RABGAP1L: variants seen among roughly 807,000 people sequenced by gnomAD.
RABGAP1L encodes the protein RAB GTPase activating protein 1 like, also known as rab GTPase-activating protein 1-like.
A neutral mutation model predicts 137.7 loss-of-function variants in RABGAP1L; 63 were observed. The ratio of observed to expected loss-of-function variants is 0.46; its 90% CI spans 0.37 to 0.56. The LOEUF is 0.56. Ranked by LOEUF, RABGAP1L falls within the 20% of genes least tolerant of loss-of-function variation. The probability of loss-of-function intolerance (pLI) is 0.00; values close to 1 mark genes in which losing one functional copy is unlikely to be tolerated. For missense variants in RABGAP1L, 1,095 were observed against 1,244.0 expected (o/e 0.88, Z 1.80); for synonymous variants, 431 against 433.7 (o/e 0.99, Z 0.08).
chr1:174,685,180 C>G (rs1308094135), intron 15 of RABGAP1L, among the ~76,000 whole-genome samples: 2 of 151,954 alleles, frequency 1.3e-5, no homozygotes, highest in Non-Finnish European at 2.9e-5. Flanking sequence ...ATTTTGAGTT[C>G]AGATAGCAAA....
intron 21 of RABGAP1L, among the ~76,000 whole-genome samples, chr1:174,975,125 G>GCA (rs1482035781): frequency 7.2e-5 from 11 of 152,230 alleles, no homozygotes; most frequent in Non-Finnish European, 1.5e-4. Context: ...TACTTAGGGA[G>GCA]CACCTATTCT....
At chr1:174,829,845 A>G (rs1371972482) in intron 19 of RABGAP1L, among the ~76,000 whole-genome samples, 1 of 148,420 alleles carries the variant, frequency 6.7e-6, no homozygotes, top group African/African-American at 2.5e-5. Flanking sequence ...ATAATTATCC[A>G]TTTATTTTCT....
chr1:174,174,675 A>G (rs1218399348), intron 1 of RABGAP1L, among the ~76,000 whole-genome samples: 2 of 152,220 alleles, frequency 1.3e-5, no homozygotes, highest in Non-Finnish European at 2.9e-5. Context: ...TGCTGATGCA[A>G]GTCCTGGAGT....
At chr1:174,672,729 A>G (rs1258315841) in intron 14 of RABGAP1L, among the ~76,000 whole-genome samples, 1 of 151,750 alleles carries the variant, frequency 6.6e-6, no homozygotes, top group Non-Finnish European at 1.5e-5. Flanking sequence ...ATTGTTCAGG[A>G]GCATGCTGTT....
At chr1:174,633,208 C>G (rs1430096751) in intron 13 of RABGAP1L, among the ~76,000 whole-genome samples, 3 of 149,030 alleles carry the variant, frequency 2.0e-5, no homozygotes, top group South Asian at 2.2e-4. Context: ...AATCAATGTA[C>G]AAAAATCACA....
chr1:174,432,172 C>T (rs76727446), intron 13 of RABGAP1L, among the ~76,000 whole-genome samples: 5,275 of 152,122 alleles, frequency 0.035, 121 homozygotes, highest in Middle Eastern at 0.088. Context: ...CCATGAGTAC[C>T]CAATATTTAC....
chr1:174,700,052 A>G (rs1181852903), intron 16 of RABGAP1L, among the ~76,000 whole-genome samples: 1 of 152,238 alleles, frequency 6.6e-6, no homozygotes, highest in Non-Finnish European at 1.5e-5. Flanking sequence ...AGCCAGAAAG[A>G]TATTCATAAG....
Position 174,554,165 on chromosome 1 carries a change from A to G in RABGAP1L, c.1711-83210A>G, listed in dbSNP as rs534049736. On this transcript the variant is annotated intron_variant, in intron 13 of 25. Coordinates refer to ENST00000681986, the MANE Select transcript of RABGAP1L (RefSeq NM_001366446.1). Reference sequence around the variant, plus strand: ...AAATTCAGTAGGTTTTTACAGTTTCATTTGTCATCAGTGTTTTTCAAATAT... The same window carrying G: ...AAATTCAGTAGGTTTTTACAGTTTCGTTTGTCATCAGTGTTTTTCAAATAT... Among the ~76,000 whole-genome samples, 3 of 152,274 alleles carry G rather than the reference A, an allele frequency of 2.0e-5. No individual in the cohort carries two copies. In the East Asian group the frequency reaches 5.8e-4, roughly 29 times the overall value.
intron 18 of RABGAP1L, 142 bp downstream of exon 18, chr1:174,752,496 C>A: frequency 1.8e-6 from 1 of 544,106 alleles, no homozygotes; most frequent in Non-Finnish European, 3.1e-6. Context: ...AAACTCTGAT[C>A]CTCTTCCCTC....
At chr1:174,792,547 A>G (rs1407112179) in intron 18 of RABGAP1L, among the ~76,000 whole-genome samples, 1 of 152,256 alleles carries the variant, frequency 6.6e-6, no homozygotes, top group African/African-American at 2.4e-5. Flanking sequence ...AGGAAAAACA[A>G]AACAAAGGGA....
chr1:174,165,936 A>G (rs1160534495), intron 1 of RABGAP1L, among the ~76,000 whole-genome samples: 1 of 152,220 alleles, frequency 6.6e-6, no homozygotes, highest in Non-Finnish European at 1.5e-5. Flanking sequence ...ATGAGTAGTG[A>G]AAGAGCTAGG....
At chr1:174,849,475 A>T (rs1036156601) in intron 19 of RABGAP1L, among the ~76,000 whole-genome samples, 2 of 152,172 alleles carry the variant, frequency 1.3e-5, no homozygotes, top group Non-Finnish European at 2.9e-5. Flanking sequence ...GTACATATAA[A>T]ATATGCCTAT....
At chr1:174,321,340 T>C (rs1679957516) in intron 11 of RABGAP1L, among the ~76,000 whole-genome samples, 1 of 152,160 alleles carries the variant, frequency 6.6e-6, no homozygotes, top group Non-Finnish European at 1.5e-5. Flanking sequence ...TGTGATATTT[T>C]GTTCCCCTTG....
chr1:174,932,278 C>G (rs1663971987), intron 19 of RABGAP1L, among the ~76,000 whole-genome samples: 2 of 150,410 alleles, frequency 1.3e-5, no homozygotes, highest in African/African-American at 4.9e-5. Context: ...AAGAAGAATG[C>G]TGAGCCTGAT....
chr1:174,452,941 A>G (rs1017939299), intron 13 of RABGAP1L, among the ~76,000 whole-genome samples: 2 of 152,190 alleles, frequency 1.3e-5, no homozygotes, highest in African/African-American at 4.8e-5. Flanking sequence ...CAATTCAAAC[A>G]GGAATAAACC....
At chr1:174,668,163 C>T (rs1676922206) in intron 14 of RABGAP1L, among the ~76,000 whole-genome samples, 1 of 152,140 alleles carries the variant, frequency 6.6e-6, no homozygotes, top group Non-Finnish European at 1.5e-5. Context: ...ACTATATTGC[C>T]ATTAATTGTA....
chr1:174,397,592 A>G (rs1292579232), intron 13 of RABGAP1L, among the ~76,000 whole-genome samples: 1 of 152,146 alleles, frequency 6.6e-6, no homozygotes, highest in East Asian at 1.9e-4. Flanking sequence ...TCATTCCTGC[A>G]TTACATCTTT....
At chr1:174,932,616 C>G (rs1664033682) in intron 19 of RABGAP1L, among the ~76,000 whole-genome samples, 1 of 152,110 alleles carries the variant, frequency 6.6e-6, no homozygotes, top group South Asian at 2.1e-4. Flanking sequence ...GCTCTATTCC[C>G]CTTCCTGACA....
intron 18 of RABGAP1L, among the ~76,000 whole-genome samples, chr1:174,794,394 C>T (rs910893418): frequency 5.9e-5 from 9 of 152,122 alleles, no homozygotes; most frequent in African/African-American, 2.2e-4. Flanking sequence ...ATTTTCTTTT[C>T]TTCTATGTGA....
Sources: gnomAD v4.1 joint callset for allele counts (sites outside exome capture counted in the v4.1 genomes callset) on GRCh38, gnomAD v4.1.1 for gene constraint, MANE v1.5 for transcripts, NCBI Gene and HGNC (gene_info 2026-07-23, HGNC 2026-07-21) for gene names.